The following TTC3 variants were observed in gnomAD, a reference collection of about 807,000 sequenced individuals.
TTC3 encodes E3 ubiquitin-protein ligase TTC3.
A neutral mutation model predicts 249.6 loss-of-function variants in TTC3; 180 were observed. The ratio of observed to expected loss-of-function variants is 0.72; its 90% confidence interval spans 0.64 to 0.82. The LOEUF (loss-of-function observed/expected upper bound fraction) is 0.82. Ranked by LOEUF, TTC3 falls within the 40% of genes least tolerant of loss-of-function variation. The pLI is 0.00. For synonymous variants in TTC3, 717 were observed against 805.0 expected (o/e 0.89, Z 1.85); for missense variants, 2,061 against 2,398.4 (o/e 0.86, Z 2.94).
At chr21:37,147,762 T>A (rs2079105671) in intron 22 of TTC3, among the ~76,000 whole-genome samples, 159 bp downstream of exon 22, 1 of 150,330 alleles carries the variant, frequency 6.7e-6, no homozygotes, top group Non-Finnish European at 1.5e-5. Flanking sequence ...TAAGTCTCAC[T>A]CTGTCACCCA....
chr21:37,166,322 T>C (rs1352957181), exon 33 of TTC3: 1 of 1,614,166 alleles, frequency 6.2e-7, no homozygotes, highest in East Asian at 2.2e-5. Context: ...AGTGGTGCCG[T>C]CTTTTGTAGC....
chr21:37,137,341 A>G (rs970851945), intron 18 of TTC3, among the ~76,000 whole-genome samples: 2 of 152,242 alleles, frequency 1.3e-5, no homozygotes, highest in African/African-American at 2.4e-5. Flanking sequence ...TCTAGATACC[A>G]TAAAGAACAT....
Position 37,188,675 on chromosome 21 carries a change from A to G in TTC3, c.5024+80A>G. The G allele has an allele frequency of 5.0e-6, 5 of 999,432 alleles. No individual in the cohort carries two copies. In the South Asian group the frequency reaches 8.3e-5, roughly 17 times the overall value. The allele number at this position is 999,432 out of a possible 1,614,324, so 61.9% of individuals were successfully genotyped here. A position where few individuals can be genotyped will look rare whatever the true frequency, so the allele number is the denominator to read the frequency against. ...CCATTTGAGAAAAACATTATTTTGTATTAGGACCATTTTATTTTTAATAGT... is the reference window on the plus strand; with the variant it reads ...CCATTTGAGAAAAACATTATTTTGTGTTAGGACCATTTTATTTTTAATAGT... On this transcript the variant is annotated intron_variant, in intron 39 of 45. Coordinates refer to ENST00000355666, the Ensembl canonical transcript of TTC3.
chr21:37,112,843 A>G (rs1391634375), intron 11 of TTC3, among the ~76,000 whole-genome samples: 1 of 152,250 alleles, frequency 6.6e-6, no homozygotes, highest in African/African-American at 2.4e-5. Flanking sequence ...GTTATCCACC[A>G]TGATCAAGTG....
intron 11 of TTC3, among the ~76,000 whole-genome samples, chr21:37,115,174 T>TATAATAATAATAATA (rs1246754731): frequency 0.013 from 1,814 of 144,480 alleles, 28 homozygotes; most frequent in African/African-American, 0.032. Context: ...AAACTTAAAG[T>TATAATAATAATAATA]ATAATAATAA....
intron 11 of TTC3, among the ~76,000 whole-genome samples, chr21:37,120,329 T>C (rs915583749): frequency 1.3e-5 from 2 of 152,152 alleles, no homozygotes; most frequent in Non-Finnish European, 2.9e-5. Flanking sequence ...TTAAGTCTTT[T>C]CTCAACTAAC....
intron 23 of TTC3, among the ~76,000 whole-genome samples, chr21:37,149,112 T>C (rs2079236800): frequency 6.6e-6 from 1 of 152,212 alleles, no homozygotes; most frequent in South Asian, 2.1e-4. Context: ...ACTTCAATTT[T>C]AAACTGCCAT....
chr21:37,133,575 GTT>G (rs928988015), intron 17 of TTC3, among the ~76,000 whole-genome samples: 1 of 152,194 alleles, frequency 6.6e-6, no homozygotes. Flanking sequence ...GCCTCTGTTT[GTT>G]CATTCAACAC....
chr21:37,193,333 A>G (rs530292955), intron 41 of TTC3, among the ~76,000 whole-genome samples: 18 of 151,076 alleles, frequency 1.2e-4, no homozygotes, highest in Non-Finnish European at 2.5e-4. Context: ...TACCTTGCAC[A>G]GTAAACATTC....
rs956695631 is a variant in TTC3, at chr21:37,099,257, A to G, written c.845+2614A>G. 2.0e-5 allele frequency among the ~76,000 whole-genome samples: 3 copies of G among 152,238 alleles called. No individual in the cohort carries two copies. In the East Asian group the frequency reaches 5.8e-4, roughly 29 times the overall value. On this transcript the variant is annotated intron_variant, in intron 10 of 45. Transcript: ENST00000355666. ...AAAAGGGTAAAAATAATAATACTGT[A>G]TCTTACAACATGGTTATCACTGTTC...
exon 30 of TTC3, chr21:37,160,839 A>G (rs1180544927): frequency 1.9e-6 from 3 of 1,612,810 alleles, no homozygotes; most frequent in Non-Finnish European, 2.5e-6. Flanking sequence ...AGCAAGAAAA[A>G]GAAGCCAAAG....
In TTC3 at chr21:37,109,780, C is replaced by T. The variant is rs191016491; in HGVS notation, c.900+1334C>T. Among the ~76,000 whole-genome samples, 934 of 152,204 alleles carry T rather than the reference C, an allele frequency of 6.1e-3. 7 individuals are homozygous for T. The highest frequency in any genetic ancestry group is 0.021 in the African/African-American group (887 of 41,456). On this transcript the variant is annotated intron_variant, in intron 11 of 45. Transcript: ENST00000355666. ...ATTGCCTCCTCAAGTGGGTCCCTGA[C>T]CCCCGAGTAGCCTAACTGGGAGGCA...
chr21:37,142,684 A>G (rs1372401957), intron 20 of TTC3, among the ~76,000 whole-genome samples: 1 of 152,252 alleles, frequency 6.6e-6, no homozygotes, highest in African/African-American at 2.4e-5. Context: ...GGTAATTTAT[A>G]GATTCAATGC....
At chr21:37,139,038 T>C (rs2078201615) in intron 19 of TTC3, among the ~76,000 whole-genome samples, 2 of 152,156 alleles carry the variant, frequency 1.3e-5, no homozygotes, top group Admixed American at 1.3e-4. Context: ...TATATACTTT[T>C]TGGAAAACAT....
intron 41 of TTC3, chr21:37,195,068 G>A (rs1250859550): frequency 6.6e-6 from 1 of 152,506 alleles, no homozygotes; most frequent in Non-Finnish European, 1.5e-5. Context: ...CAGGACTGGG[G>A]AGGCTGCCTG....
chr21:37,094,216 G>A, intron 8 of TTC3, 126 bp downstream of exon 8: 1 of 518,764 alleles, frequency 1.9e-6, no homozygotes, highest in Non-Finnish European at 3.3e-6. Flanking sequence ...TTGAGGGAAA[G>A]AACTAATATC....
chr21:37,198,348 A>G (rs1163761550), intron 44 of TTC3, among the ~76,000 whole-genome samples: 1 of 152,192 alleles, frequency 6.6e-6, no homozygotes, highest in Non-Finnish European at 1.5e-5. Context: ...TGAACTTTGT[A>G]CATCCAGTGT....
chr21:37,201,294 G>A (rs1402742966), intron 45 of TTC3, 146 bp from the exon 46 acceptor site: 1 of 979,040 alleles, frequency 1.0e-6, no homozygotes, highest in Non-Finnish European at 1.6e-6. Context: ...CTGAGCGGGT[G>A]TTGGTGTCCC....
chr21:37,124,589 G>C, intron 13 of TTC3, 30 bp from the exon 14 acceptor site: 5 of 1,600,874 alleles, frequency 3.1e-6, no homozygotes, highest in Non-Finnish European at 4.3e-6. Flanking sequence ...TTCAAAAAAT[G>C]TATAATAATT....
Sources: allele counts gnomAD v4.1 joint callset (sites outside exome capture counted in the v4.1 genomes callset), GRCh38; gene constraint gnomAD v4.1.1; transcripts MANE v1.5; gene names NCBI Gene and HGNC (gene_info 2026-07-23, HGNC 2026-07-21).